The following FGD4 variants were observed in gnomAD, a reference collection of about 807,000 sequenced individuals.
FGD4 encodes FYVE, RhoGEF and PH domain-containing protein 4.
Under a neutral mutation model 102.0 loss-of-function variants are expected in FGD4, and 42 were observed. The observed-to-expected ratio is 0.41, with a 90% CI of 0.32 to 0.53. The LOEUF is 0.53. FGD4 is among the 20% of genes least tolerant of loss of function. The pLI is 0.21. For synonymous variants in FGD4, 380 were observed against 375.7 expected (o/e 1.01, Z -0.13); for missense variants, 902 against 1,078.2 (o/e 0.84, Z 2.29).
intron 11 of FGD4, among the ~76,000 whole-genome samples, chr12:32,621,034 C>G (rs1234569393): frequency 6.6e-6 from 1 of 151,924 alleles, no homozygotes; most frequent in Non-Finnish European, 1.5e-5. Context: ...ACGCATGAAC[C>G]CCTGGAATAC....
intron 1 of FGD4, among the ~76,000 whole-genome samples, chr12:32,521,177 A>G (rs568288047): frequency 6.6e-6 from 1 of 152,150 alleles, no homozygotes; most frequent in African/African-American, 2.4e-5. Context: ...TCACGAGGTC[A>G]GGAGATCGAG....
At chr12:32,600,586 T>TTA in intron 5 of FGD4, 3 of 376,426 alleles carry the variant, frequency 8.0e-6, no homozygotes, top group Non-Finnish European at 1.1e-5. Context: ...CTTTCTTTCT[T>TTA]TCTTTCTTTT....
intron 1 of FGD4, among the ~76,000 whole-genome samples, chr12:32,556,699 A>G (rs1288767613): frequency 6.6e-6 from 1 of 152,048 alleles, no homozygotes; most frequent in African/African-American, 2.4e-5. Context: ...TCTACTAAAA[A>G]ATACAAAAAT....
Position 32,424,671 on chromosome 12 carries a change from A to C in FGD4, c.166+24712A>C, listed in dbSNP as rs1591874176. ...ACTGTCTTCCACAATGGTTGAACTA[A>C]TTTACACTCCCACCAACAGTGTAAA... is the stretch of plus-strand genomic sequence containing the variant. On this transcript the variant is annotated intron_variant, in intron 1 of 16. Transcript: ENST00000534526. Among the ~76,000 whole-genome samples, 5 of 152,306 alleles carry C rather than the reference A, an allele frequency of 3.3e-5. 1 individual carries two copies. Among genetic ancestry groups the C allele is most frequent in the Admixed American group, 3.3e-4 (5 of 15,296 alleles).
At position 32,473,046 on chromosome 12, in the gene FGD4, C is replaced by A. The variant is rs1426511192; in HGVS notation, c.166+73087C>A. ...TCTGTATCTAGCTGCTCTGGTGGGG[C>A]CTTGGAGAACCTGTGTGTCCAAACT... On this transcript the variant is annotated intron_variant, in intron 1 of 16. Coordinates refer to ENST00000534526, the MANE Select transcript of FGD4 (RefSeq NM_001370298.3). 4.6e-5 allele frequency among the ~76,000 whole-genome samples: 7 copies of A among 151,496 alleles called. No homozygotes were observed. The East Asian group carries it at 1.4e-3, about 30-fold the overall frequency.
chr12:32,399,916 A>T lies in FGD4; in HGVS notation c.123A>T (p.Val41=). 2 of 1,520,640 alleles carry T rather than the reference A, an allele frequency of 1.3e-6. No homozygotes were observed. Among genetic ancestry groups the T allele is most frequent in the Non-Finnish European group, 1.8e-6 (2 of 1,140,478 alleles). The allele number at this position is 1,520,640 out of a possible 1,614,324, so 94.2% of individuals were successfully genotyped here. Residue 41 remains valine (V), a synonymous_variant, in exon 1 of 17, where the codon GTA becomes GTT. Coordinates refer to ENST00000534526, the MANE Select transcript of FGD4 (RefSeq NM_001370298.3). The stretch of plus-strand genomic sequence containing the variant: ...GGCCCGCGTCGCACCTGGGACGTGT[A>T]GGGACCGCTGCCTTCAAGGGCCAGG... ...WSRPASHLGR[V]GTAAFKGQVP...
intron 1 of FGD4, among the ~76,000 whole-genome samples, chr12:32,410,244 C>T (rs1477061904): frequency 6.6e-6 from 1 of 151,752 alleles, no homozygotes; most frequent in Non-Finnish European, 1.5e-5. Flanking sequence ...AGGAGAATGG[C>T]GTGAACCTGG....
chr12:32,481,742 A>G (rs1943772078), intron 1 of FGD4, among the ~76,000 whole-genome samples: 1 of 151,616 alleles, frequency 6.6e-6, no homozygotes, highest in African/African-American at 2.4e-5. Context: ...GATCTCTTGA[A>G]CCTGGGAGGC....
chr12:32,463,936 A>G (rs1471972466), intron 1 of FGD4, among the ~76,000 whole-genome samples: 1 of 152,206 alleles, frequency 6.6e-6, no homozygotes, highest in African/African-American at 2.4e-5. Context: ...AGTGTTGTAT[A>G]AAGTGATCCC....
chr12:32,459,988 G>A (rs1215094095), intron 1 of FGD4, among the ~76,000 whole-genome samples: 1 of 152,050 alleles, frequency 6.6e-6, no homozygotes, highest in Non-Finnish European at 1.5e-5. Flanking sequence ...TTATAGGCAT[G>A]AGCCACCATG....
chr12:32,459,707 T>C (rs74810008), intron 1 of FGD4, among the ~76,000 whole-genome samples: 5,803 of 152,158 alleles, frequency 0.038, 174 homozygotes, highest in South Asian at 0.12. Context: ...TTTTTTTTTT[T>C]TCTAAATTTC....
intron 1 of FGD4, among the ~76,000 whole-genome samples, chr12:32,523,429 A>G (rs1378998989): frequency 6.6e-6 from 1 of 151,484 alleles, no homozygotes; most frequent in East Asian, 1.9e-4. Context: ...GAAACTCTGT[A>G]CTCATTAATG....
At chr12:32,615,604 C>T (rs1949400506) in intron 10 of FGD4, among the ~76,000 whole-genome samples, 1 of 151,846 alleles carries the variant, frequency 6.6e-6, no homozygotes, top group Non-Finnish European at 1.5e-5. Context: ...CTTCAGAGGT[C>T]TATTATAAAA....
chr12:32,561,312 C>T (rs1944569313), intron 1 of FGD4, among the ~76,000 whole-genome samples: 1 of 151,956 alleles, frequency 6.6e-6, no homozygotes, highest in Admixed American at 6.6e-5. Context: ...GTCTTGAACT[C>T]CTGACCTCAG....
At chr12:32,466,198 A>G (rs897508360) in intron 1 of FGD4, among the ~76,000 whole-genome samples, 11 of 152,332 alleles carry the variant, frequency 7.2e-5, no homozygotes, top group African/African-American at 2.6e-4. Flanking sequence ...GGAAATGAAA[A>G]AAGTTTGCGA....
intron 1 of FGD4, among the ~76,000 whole-genome samples, chr12:32,402,470 G>T (rs1443185063): frequency 6.6e-6 from 1 of 151,894 alleles, no homozygotes; most frequent in African/African-American, 2.4e-5. Flanking sequence ...TCACTGTGTT[G>T]CCCAGGATAA....
chr12:32,579,738 A>G (rs915704995), intron 3 of FGD4: 6 of 152,204 alleles, frequency 3.9e-5, no homozygotes, highest in Non-Finnish European at 7.3e-5. Context: ...GCAAATCTCA[A>G]CTGAAGAGTG....
chr12:32,405,620 T>A (rs1940901954), intron 1 of FGD4, among the ~76,000 whole-genome samples: 1 of 152,256 alleles, frequency 6.6e-6, no homozygotes, highest in African/African-American at 2.4e-5. Context: ...ATTGAGAGAC[T>A]CTTACTCCAC....
intron 10 of FGD4, among the ~76,000 whole-genome samples, chr12:32,619,473 A>C (rs1474749954): frequency 6.7e-6 from 1 of 148,762 alleles, no homozygotes; most frequent in Admixed American, 6.8e-5. Context: ...CTAAAAATAC[A>C]AAAAAAAAAT....
Sources: allele counts gnomAD v4.1 joint callset (sites outside exome capture counted in the v4.1 genomes callset), GRCh38; gene constraint gnomAD v4.1.1; transcripts MANE v1.5; gene names NCBI Gene and HGNC (gene_info 2026-07-23, HGNC 2026-07-21).